DCDC2: variants seen among roughly 807,000 people sequenced by gnomAD.
DCDC2 encodes the protein doublecortin domain containing 2.
Under a neutral mutation model 50.2 loss-of-function variants are expected in DCDC2, and 40 were observed. The observed-to-expected ratio is 0.80, with a 90% CI of 0.62 to 1.04. The LOEUF (loss-of-function observed/expected upper bound fraction) is 1.04, where lower values mean the gene tolerates loss of function less well. Among genes scored for constraint, DCDC2 ranks in the 50% least tolerant of loss-of-function variants. The pLI, the probability that DCDC2 is intolerant of heterozygous loss-of-function variation, is 0.00. For missense variants in DCDC2, 570 were observed against 581.9 expected (o/e 0.98, Z 0.21); for synonymous variants, 234 against 210.6 (o/e 1.11, Z -0.96).
At chr6:24,239,094 A>G (rs1762511778) in intron 7 of DCDC2, among the ~76,000 whole-genome samples, 1 of 152,232 alleles carries the variant, frequency 6.6e-6, no homozygotes, top group Non-Finnish European at 1.5e-5. Context: ...TCATATCATA[A>G]CAAGAGTATT....
intron 2 of DCDC2, among the ~76,000 whole-genome samples, chr6:24,326,478 TA>T (rs1231842399): frequency 2.7e-5 from 4 of 148,886 alleles, no homozygotes; most frequent in African/African-American, 4.9e-5. Context: ...GACATATATA[TA>T]TTAACTATAA....
At chr6:24,309,299 C>T (rs965960745) in intron 2 of DCDC2, among the ~76,000 whole-genome samples, 7 of 54,494 alleles carry the variant, frequency 1.3e-4, no homozygotes, top group Admixed American at 9.1e-4. Context: ...CACTCCAGCC[C>T]GGGCGACACA....
intron 6 of DCDC2, among the ~76,000 whole-genome samples, chr6:24,282,302 G>A (rs7753708): frequency 0.081 from 12,249 of 152,006 alleles, 649 homozygotes; most frequent in African/African-American, 0.16. Flanking sequence ...GAGTGCAGTG[G>A]TGCTATCTTG....
chr6:24,187,506 T>C (rs956281620), intron 8 of DCDC2, among the ~76,000 whole-genome samples: 4 of 152,196 alleles, frequency 2.6e-5, no homozygotes, highest in Non-Finnish European at 5.9e-5. Flanking sequence ...CACTGTGCAG[T>C]TATTCTCTAT....
chr6:24,238,148 G>GGAAA (rs1491186498), intron 7 of DCDC2, among the ~76,000 whole-genome samples: 1 of 39,152 alleles, frequency 2.6e-5, no homozygotes, highest in Admixed American at 2.5e-4. Context: ...AAGGGATGCA[G>GGAAA]GGAGGAATGG....
At chr6:24,280,270 C>T (rs944838513) in intron 6 of DCDC2, among the ~76,000 whole-genome samples, 1 of 152,032 alleles carries the variant, frequency 6.6e-6, no homozygotes, top group Non-Finnish European at 1.5e-5. Context: ...GAAAACTTGT[C>T]CAAATCTATA....
intron 2 of DCDC2, among the ~76,000 whole-genome samples, chr6:24,326,669 C>T (rs1227675046): frequency 6.7e-6 from 1 of 148,392 alleles, no homozygotes; most frequent in Non-Finnish European, 1.5e-5. Flanking sequence ...CCAGCCTGGG[C>T]AACAATGGCA....
At chr6:24,255,283 T>A (rs1052339392) in intron 7 of DCDC2, among the ~76,000 whole-genome samples, 1 of 151,770 alleles carries the variant, frequency 6.6e-6, no homozygotes, top group African/African-American at 2.4e-5. Flanking sequence ...TAATCTTGAC[T>A]TCACACCATG....
chr6:24,288,525 T>C (rs1464586028), intron 6 of DCDC2, among the ~76,000 whole-genome samples: 1 of 152,226 alleles, frequency 6.6e-6, no homozygotes, highest in Non-Finnish European at 1.5e-5. Context: ...TCGTTAAAGA[T>C]AGAAACCAAG....
chr6:24,295,727 AAAAAT>A (rs566943757), intron 4 of DCDC2, among the ~76,000 whole-genome samples: 73 of 152,320 alleles, frequency 4.8e-4, no homozygotes, highest in African/African-American at 1.5e-3. Context: ...AATTGGCACA[AAAAAT>A]AAAATAAAAT....
At chr6:24,358,798 T>A (rs1447369023), upstream of DCDC2, among the ~76,000 whole-genome samples, 1 of 65,848 alleles carries the variant, frequency 1.5e-5, no homozygotes, top group African/African-American at 5.6e-5. Flanking sequence ...AAATATATAT[T>A]TTATATATTA....
chr6:24,347,839 A>C (rs1224423043), intron 2 of DCDC2, among the ~76,000 whole-genome samples: 1 of 152,220 alleles, frequency 6.6e-6, no homozygotes, highest in African/African-American at 2.4e-5. Context: ...AGGTGGTGGA[A>C]AAAAAGGCTT....
Position 24,355,564 on chromosome 6 carries a change from A to G in DCDC2, c.293+1894T>C, listed in dbSNP as rs561285710. 4.6e-5 allele frequency among the ~76,000 whole-genome samples: 7 copies of G among 152,294 alleles called. No individual in the cohort carries two copies. The South Asian group carries it at 1.5e-3, about 32-fold the overall frequency. On this transcript the variant is annotated intron_variant, in intron 1 of 9. Transcript: ENST00000378454. ...ACAAATGATTATGCACCTTTTCTGT[A>G]TTAAGAAACTGATTAGCTGAGTCAA...
chr6:24,175,603 TTCA>T (rs1421992744), intron 9 of DCDC2, among the ~76,000 whole-genome samples: 1 of 152,220 alleles, frequency 6.6e-6, no homozygotes, highest in Non-Finnish European at 1.5e-5. Context: ...CGTGTCTTAT[TTCA>T]CACTGTTCCT....
chr6:24,173,999 T>C lies in DCDC2; in HGVS notation c.*731A>G, dbSNP rs1026416744. ...CAGGATTTCCATTATCTGCAAACCA[T>C]ACATCCAGGCTTTATAATATAACTG... is the stretch of plus-strand genomic sequence containing the variant. On this transcript the variant is annotated 3_prime_UTR_variant, in exon 10 of 10. Coordinates refer to ENST00000378454, the MANE Select transcript of DCDC2 (RefSeq NM_016356.5). The C allele has an allele frequency of 2.6e-5, 4 of 152,152 alleles. No homozygotes were observed. The highest frequency in any genetic ancestry group is 5.9e-5 in the Non-Finnish European group (4 of 68,016). 9.4% of individuals were successfully genotyped at this position (152,152 alleles called of 1,614,324 possible).
intron 7 of DCDC2, among the ~76,000 whole-genome samples, chr6:24,232,084 A>T (rs529436062): frequency 6.6e-6 from 1 of 152,208 alleles, no homozygotes; most frequent in East Asian, 1.9e-4. Flanking sequence ...GGAGTAGTTT[A>T]AACTTTATAC....
chr6:24,245,795 C>T (rs1393247271), intron 7 of DCDC2, among the ~76,000 whole-genome samples: 3 of 152,076 alleles, frequency 2.0e-5, no homozygotes, highest in East Asian at 3.9e-4. Context: ...ACAACAGAAA[C>T]AATACTGAAA....
At chr6:24,299,738 A>T (rs1759331748) in intron 4 of DCDC2, among the ~76,000 whole-genome samples, 1 of 151,866 alleles carries the variant, frequency 6.6e-6, no homozygotes, top group Non-Finnish European at 1.5e-5. Flanking sequence ...ACATGGTGAA[A>T]CCCAGTTTCT....
At chr6:24,235,377 C>A (rs1033437618) in intron 7 of DCDC2, among the ~76,000 whole-genome samples, 3 of 152,106 alleles carry the variant, frequency 2.0e-5, no homozygotes, top group African/African-American at 7.2e-5. Flanking sequence ...GGAAAGGGTT[C>A]CATAGATGTA....
Sources: gnomAD v4.1 joint callset for allele counts (sites outside exome capture counted in the v4.1 genomes callset) on GRCh38, gnomAD v4.1.1 for gene constraint, MANE v1.5 for transcripts, NCBI Gene and HGNC (gene_info 2026-07-23, HGNC 2026-07-21) for gene names.